The following CNTN4 variants were observed in gnomAD, a reference collection of about 807,000 sequenced individuals.
CNTN4 encodes contactin 4.
A neutral mutation model predicts 122.5 loss-of-function variants in CNTN4; 77 were observed. That is an observed-to-expected ratio of 0.63 (90% CI 0.52 to 0.76). CNTN4 has a LOEUF of 0.76. Among genes scored for constraint, CNTN4 ranks in the 30% least tolerant of loss-of-function variants. The probability of loss-of-function intolerance (pLI) is 0.00; values close to 1 mark genes in which losing one functional copy is unlikely to be tolerated. For synonymous variants in CNTN4, 512 were observed against 447.0 expected, an observed-to-expected ratio of 1.15 and a Z score of -1.83; for missense variants, 1,256 against 1,259.1, an observed-to-expected ratio of 1.00 and a Z score of 0.04.
chr3:2,698,863 C>G (rs2086194844), intron 4 of CNTN4, among the ~76,000 whole-genome samples: 1 of 152,024 alleles, frequency 6.6e-6, no homozygotes, highest in African/African-American at 2.4e-5. Context: ...ACTAAAAATA[C>G]AAAACAAAAA....
chr3:2,582,416 C>T (rs1439214844), intron 4 of CNTN4, among the ~76,000 whole-genome samples: 4 of 152,130 alleles, frequency 2.6e-5, no homozygotes, highest in African/African-American at 9.7e-5. Flanking sequence ...CTGTCTTCCA[C>T]TCCTCCGTTA....
intron 2 of CNTN4, among the ~76,000 whole-genome samples, chr3:2,155,547 T>A (rs959661038): frequency 2.0e-5 from 3 of 152,232 alleles, no homozygotes; most frequent in African/African-American, 7.2e-5. Context: ...GAAAACTGTT[T>A]TTAAGTGAAT....
At chr3:2,240,793 T>C (rs921389453) in intron 2 of CNTN4, among the ~76,000 whole-genome samples, 1 of 152,176 alleles carries the variant, frequency 6.6e-6, no homozygotes, top group African/African-American at 2.4e-5. Flanking sequence ...TTTAAACGTT[T>C]GTAAATCCAG....
intron 6 of CNTN4, among the ~76,000 whole-genome samples, chr3:2,762,313 A>T (rs1163987833): frequency 6.6e-6 from 1 of 152,196 alleles, no homozygotes; most frequent in Admixed American, 6.5e-5. Flanking sequence ...CATAGCCCAG[A>T]TATTAAGCAT....
chr3:2,943,823 C>G (rs1388511793), intron 13 of CNTN4, among the ~76,000 whole-genome samples: 1 of 151,384 alleles, frequency 6.6e-6, no homozygotes, highest in Non-Finnish European at 1.5e-5. Context: ...GGGGTTTCAT[C>G]ATGTTGGCGA....
At chr3:3,023,152 G>A (rs972292660) in intron 14 of CNTN4, among the ~76,000 whole-genome samples, 1 of 152,172 alleles carries the variant, frequency 6.6e-6, no homozygotes, top group Non-Finnish European at 1.5e-5. Flanking sequence ...GAAAACAAGA[G>A]TACTGAACAA....
intron 4 of CNTN4, among the ~76,000 whole-genome samples, chr3:2,573,613 A>G (rs1162288808): frequency 1.3e-5 from 2 of 152,214 alleles, no homozygotes; most frequent in African/African-American, 2.4e-5. Context: ...ATATCAAGAT[A>G]TGAAAGGGTT....
chr3:2,459,880 C>G (rs2049137967), intron 3 of CNTN4, among the ~76,000 whole-genome samples: 1 of 152,074 alleles, frequency 6.6e-6, no homozygotes, highest in South Asian at 2.1e-4. Context: ...TATAGTTTAA[C>G]TGTTGTCAGT....
chr3:2,569,362 C>T (rs1272825155), intron 3 of CNTN4, among the ~76,000 whole-genome samples: 1 of 152,066 alleles, frequency 6.6e-6, no homozygotes, highest in Non-Finnish European at 1.5e-5. Context: ...TTCATGTAAG[C>T]CTGTGTTTGC....
intron 2 of CNTN4, among the ~76,000 whole-genome samples, chr3:2,264,732 C>G (rs1172999166): frequency 6.6e-6 from 1 of 152,036 alleles, no homozygotes; most frequent in African/African-American, 2.4e-5. Flanking sequence ...ATCATTTCCT[C>G]TGGTAGTTTC....
intron 3 of CNTN4, among the ~76,000 whole-genome samples, chr3:2,501,546 C>T (rs530913216): frequency 3.9e-5 from 6 of 152,284 alleles, no homozygotes; most frequent in African/African-American, 1.2e-4. Context: ...CTGCATTCCA[C>T]AGCTTGTGGC....
At chr3:2,312,934 A>C (rs968724056) in intron 2 of CNTN4, among the ~76,000 whole-genome samples, 4 of 152,092 alleles carry the variant, frequency 2.6e-5, no homozygotes, top group Admixed American at 1.3e-4. Flanking sequence ...CATAACAAAA[A>C]TAAAAACACT....
At chr3:2,853,196 A>C (rs1015846362) in intron 7 of CNTN4, among the ~76,000 whole-genome samples, 1 of 150,244 alleles carries the variant, frequency 6.7e-6, no homozygotes, top group Non-Finnish European at 1.5e-5. Flanking sequence ...AAAAAAAAGA[A>C]CAGTGTCCAC....
intron 2 of CNTN4, among the ~76,000 whole-genome samples, chr3:2,186,361 T>C (rs1394596176): frequency 1.7e-4 from 26 of 152,192 alleles, no homozygotes; most frequent in Non-Finnish European, 1.5e-5. Flanking sequence ...TCCAAGTCTT[T>C]GCTATTGTGA....
intron 4 of CNTN4, among the ~76,000 whole-genome samples, chr3:2,603,336 A>G (rs375452664): frequency 2.2e-4 from 34 of 152,212 alleles, no homozygotes; most frequent in African/African-American, 7.5e-4. Flanking sequence ...AAGGTACTTT[A>G]GGATGTCCTA....
intron 23 of CNTN4, among the ~76,000 whole-genome samples, chr3:3,045,412 G>A (rs1284215760): frequency 2.6e-5 from 4 of 152,186 alleles, no homozygotes; most frequent in Non-Finnish European, 5.9e-5. Flanking sequence ...ACACAGCCAG[G>A]TACCCCTCTG....
chr3:2,171,125 CAA>C (rs1383926743), intron 2 of CNTN4, among the ~76,000 whole-genome samples: 2 of 152,122 alleles, frequency 1.3e-5, no homozygotes, highest in African/African-American at 4.8e-5. Flanking sequence ...TTTATAAACA[CAA>C]AGTCATATAT....
intron 23 of CNTN4, among the ~76,000 whole-genome samples, chr3:3,046,630 A>G (rs1243560568): frequency 6.6e-6 from 1 of 152,260 alleles, no homozygotes; most frequent in Middle Eastern, 3.4e-3. Flanking sequence ...TGAAGGAAGC[A>G]CTAAACATGG....
chr3:2,740,111 C>G (rs776573640), intron 5 of CNTN4, among the ~76,000 whole-genome samples: 3 of 152,070 alleles, frequency 2.0e-5, no homozygotes, highest in Non-Finnish European at 2.9e-5. Flanking sequence ...AATCCCAACA[C>G]TTTGGGAGGC....
Sources: gnomAD v4.1 joint callset for allele counts (sites outside exome capture counted in the v4.1 genomes callset) on GRCh38, gnomAD v4.1.1 for gene constraint, MANE v1.5 for transcripts, NCBI Gene and HGNC (gene_info 2026-07-23, HGNC 2026-07-21) for gene names.